PDE8B: variants seen among roughly 807,000 people sequenced by gnomAD.
PDE8B encodes phosphodiesterase 8B, also known as high affinity cAMP-specific and IBMX-insensitive 3',5'-cyclic phosphodiesterase 8B.
PDE8B carries 26 observed loss-of-function variants against 101.3 expected under a neutral mutation model. That is an observed-to-expected ratio of 0.26 (90% CI 0.19 to 0.36). PDE8B has a LOEUF of 0.36. Ranked by LOEUF, PDE8B falls within the 10% of genes least tolerant of loss-of-function variation. The pLI is 1.00. For synonymous variants in PDE8B, 424 were observed against 429.3 expected (o/e 0.99, Z 0.15); for missense variants, 810 against 1,163.1 (o/e 0.70, Z 4.42).
At chr5:77,291,764 T>G (rs1402972206) in intron 1 of PDE8B, 1 of 1,581,926 alleles carries the variant, frequency 6.3e-7, no homozygotes, top group African/African-American at 1.3e-5. Flanking sequence ...TCAACTACAG[T>G]AAAGACTTTC....
At chr5:77,185,656 G>T in the PDE8B span, among the ~76,000 whole-genome samples, 1 of 152,040 alleles carries the variant, frequency 6.6e-6, no homozygotes, top group East Asian at 1.9e-4. Context: ...ATTGGAGGGG[G>T]CCTGTAGGTT....
At chr5:77,247,008 A>G (rs1055888177) in intron 1 of PDE8B, among the ~76,000 whole-genome samples, 3 of 152,204 alleles carry the variant, frequency 2.0e-5, no homozygotes, top group Non-Finnish European at 4.4e-5. Flanking sequence ...TGTTATAAGG[A>G]TTATATTTAT....
chr5:77,256,623 A>G (rs1759233997), intron 1 of PDE8B, among the ~76,000 whole-genome samples: 1 of 152,208 alleles, frequency 6.6e-6, no homozygotes. Flanking sequence ...AACTAAATAA[A>G]TAACTTCTAT....
intron 21 of PDE8B, 128 bp downstream of exon 21, chr5:77,426,024 T>C: frequency 1.1e-6 from 1 of 905,510 alleles, no homozygotes; most frequent in South Asian, 1.4e-5. Flanking sequence ...CAGCTTTTTG[T>C]GGCCAAGTGG....
chr5:77,342,661 T>A (rs12188039), intron 6 of PDE8B, among the ~76,000 whole-genome samples: 21,806 of 152,100 alleles, frequency 0.14, 3,347 homozygotes, highest in African/African-American at 0.39. Flanking sequence ...TGTTGGACAG[T>A]AAATAGCTTA....
chr5:77,391,841 C>T (rs1041496418), intron 10 of PDE8B, among the ~76,000 whole-genome samples: 6 of 152,170 alleles, frequency 3.9e-5, no homozygotes, highest in East Asian at 1.9e-4. Context: ...AGGAGAGAGG[C>T]GTTTTGATTC....
intron 1 of PDE8B, chr5:77,291,784 A>G (rs1767415892): frequency 2.5e-5 from 39 of 1,575,116 alleles, no homozygotes; most frequent in Non-Finnish European, 3.3e-5. Flanking sequence ...CCTCTGGCCC[A>G]AGGAATCAAG....
At chr5:77,121,045 C>T in the PDE8B span, among the ~76,000 whole-genome samples, 3 of 152,206 alleles carry the variant, frequency 2.0e-5, no homozygotes, top group Admixed American at 1.3e-4. Flanking sequence ...GTGTTAGTTA[C>T]TCATTGCTGC....
At chr5:77,133,409 C>T in the PDE8B span, among the ~76,000 whole-genome samples, 1 of 152,134 alleles carries the variant, frequency 6.6e-6, no homozygotes, top group Non-Finnish European at 1.5e-5. Flanking sequence ...TTATTTTAAG[C>T]CACTGAATTT....
At chr5:77,101,254 A>G in the PDE8B span, among the ~76,000 whole-genome samples, 1 of 151,742 alleles carries the variant, frequency 6.6e-6, no homozygotes, top group Non-Finnish European at 1.5e-5. Context: ...TACAGGAGTG[A>G]GCCGCTGCAC....
intron 3 of PDE8B, among the ~76,000 whole-genome samples, chr5:77,327,182 G>A (rs1279237765): frequency 6.6e-6 from 1 of 152,172 alleles, no homozygotes; most frequent in Non-Finnish European, 1.5e-5. Context: ...CCTGGCAGAT[G>A]TGCATTCTTT....
At chr5:77,241,260 C>T (rs1755713772) in intron 1 of PDE8B, among the ~76,000 whole-genome samples, 1 of 152,134 alleles carries the variant, frequency 6.6e-6, no homozygotes. Flanking sequence ...AATATGTATT[C>T]AAATGCTTTG....
chr5:77,243,905 A>C (rs1289893408), intron 1 of PDE8B, among the ~76,000 whole-genome samples: 1 of 152,194 alleles, frequency 6.6e-6, no homozygotes, highest in African/African-American at 2.4e-5. Context: ...TCCTTAAGTC[A>C]TTGCCAAAAT....
At chr5:77,337,173 C>A in intron 5 of PDE8B, 54 bp from the exon 6 acceptor site, 1 of 959,154 alleles carries the variant, frequency 1.0e-6, no homozygotes, top group Non-Finnish European at 1.7e-6. Flanking sequence ...CTCTATTTGA[C>A]TCTCTAAGAA....
At chr5:77,371,663 A>G (rs771097245) in intron 10 of PDE8B, among the ~76,000 whole-genome samples, 49 of 152,328 alleles carry the variant, frequency 3.2e-4, no homozygotes, top group Middle Eastern at 3.4e-3. Context: ...TTGATGCTGT[A>G]GATCAATTGG....
the PDE8B span, among the ~76,000 whole-genome samples, chr5:77,130,371 G>A: frequency 2.0e-5 from 3 of 152,112 alleles, no homozygotes; most frequent in African/African-American, 7.2e-5. Context: ...AAAGACGTTA[G>A]TTCTCCTTCC....
the PDE8B span, among the ~76,000 whole-genome samples, chr5:77,167,426 A>C: frequency 6.6e-6 from 1 of 152,230 alleles, no homozygotes; most frequent in Non-Finnish European, 1.5e-5. Flanking sequence ...GAGTGTTTGC[A>C]TTACAAAATT....
chr5:77,356,933 G>A (rs983746214), intron 10 of PDE8B, among the ~76,000 whole-genome samples: 3 of 152,188 alleles, frequency 2.0e-5, no homozygotes, highest in Non-Finnish European at 2.9e-5. Flanking sequence ...ACTTCCTCTC[G>A]TTTCTAGCAA....
At chr5:77,389,670 G>A (rs1473747984) in intron 10 of PDE8B, among the ~76,000 whole-genome samples, 1 of 152,064 alleles carries the variant, frequency 6.6e-6, no homozygotes, top group African/African-American at 2.4e-5. Flanking sequence ...CGCCCCCAGA[G>A]GTGACCACTT....
Sources: allele counts gnomAD v4.1 joint callset (sites outside exome capture counted in the v4.1 genomes callset), GRCh38; gene constraint gnomAD v4.1.1; transcripts MANE v1.5; gene names NCBI Gene and HGNC (gene_info 2026-07-23, HGNC 2026-07-21).